GTF2I: variants seen among roughly 807,000 people sequenced by gnomAD.
GTF2I encodes general transcription factor II-I.
Under a neutral mutation model 67.6 loss-of-function variants are expected in GTF2I, and 12 were observed. That is an observed-to-expected ratio of 0.18 (90% CI 0.11 to 0.29). The LOEUF is 0.29. GTF2I is among the 10% of genes least tolerant of loss of function. The pLI, the probability that GTF2I is intolerant of heterozygous loss-of-function variation, is 1.00. For synonymous variants in GTF2I, 149 were observed against 197.0 expected (o/e 0.76, Z 2.04); for missense variants, 271 against 580.1 (o/e 0.47, Z 5.47).
intron 1 of GTF2I, among the ~76,000 whole-genome samples, chr7:74,683,391 A>C (rs1438524990): frequency 6.6e-6 from 1 of 152,222 alleles, no homozygotes; most frequent in Non-Finnish European, 1.5e-5. Context: ...TTGTCAACCT[A>C]GGTTTCTATT....
chr7:74,680,114 A>ATATATATATATATATATATG (rs1339021361), intron 1 of GTF2I, among the ~76,000 whole-genome samples: 12 of 121,468 alleles, frequency 9.9e-5, no homozygotes, highest in African/African-American at 3.3e-4. Flanking sequence ...ATATATATAT[A>ATATATATATATATATATATG]TATGTATGTA....
intron 6 of GTF2I, 87 bp from the exon 7 acceptor site, chr7:74,705,077 C>A: frequency 2.4e-6 from 2 of 817,148 alleles, no homozygotes; most frequent in Non-Finnish European, 4.2e-6. Context: ...CCTAGTTCTA[C>A]CCCACTAATT....
At chr7:74,687,044 C>T (rs1429412364) in intron 1 of GTF2I, among the ~76,000 whole-genome samples, 1 of 151,694 alleles carries the variant, frequency 6.6e-6, no homozygotes, top group African/African-American at 2.4e-5. Flanking sequence ...TGGTACACCA[C>T]CATGCCTGGC....
intron 1 of GTF2I, among the ~76,000 whole-genome samples, chr7:74,683,214 C>G (rs1787411339): frequency 6.6e-6 from 1 of 152,108 alleles, no homozygotes; most frequent in Non-Finnish European, 1.5e-5. Context: ...CACAGTGAAA[C>G]TGTAGAAAAC....
chr7:74,689,878 G>A (rs1346097297), intron 2 of GTF2I, among the ~76,000 whole-genome samples: 1 of 151,816 alleles, frequency 6.6e-6, no homozygotes, highest in Admixed American at 6.6e-5. Flanking sequence ...ACCACGCTCG[G>A]GTAATTTTTT....
At chr7:74,706,745 A>T (rs587644142) in intron 8 of GTF2I, among the ~76,000 whole-genome samples, 17 of 152,326 alleles carry the variant, frequency 1.1e-4, no homozygotes, top group African/African-American at 4.1e-4. Flanking sequence ...TACAAAAATC[A>T]ATAGAATGCC....
intron 1 of GTF2I, chr7:74,685,010 A>C (rs961093295): frequency 6.6e-6 from 1 of 152,192 alleles, no homozygotes; most frequent in Non-Finnish European, 1.5e-5. Flanking sequence ...TCTGGGGTTT[A>C]ATTTTCTAGA....
intron 14 of GTF2I, among the ~76,000 whole-genome samples, chr7:74,731,552 GTTT>G (rs797038025): frequency 2.2e-5 from 3 of 136,376 alleles, no homozygotes; most frequent in Admixed American, 7.4e-5. Flanking sequence ...TTTTGTTGTT[GTTT>G]TTTTTTTTTT....
chr7:74,732,748 T>G, intron 15 of GTF2I, 86 bp downstream of exon 15: 1 of 1,532,034 alleles, frequency 6.5e-7, no homozygotes, highest in South Asian at 1.3e-5. Context: ...CATTCACCAC[T>G]AGGTTCTATG....
chr7:74,702,954 C>G (rs1186316109), intron 6 of GTF2I, among the ~76,000 whole-genome samples: 1 of 152,022 alleles, frequency 6.6e-6, no homozygotes, highest in African/African-American at 2.4e-5. Context: ...CCAGGCTGGT[C>G]TGGAACTCCT....
At chr7:74,707,919 T>C (rs924643344) in intron 8 of GTF2I, among the ~76,000 whole-genome samples, 3 of 152,144 alleles carry the variant, frequency 2.0e-5, no homozygotes, top group Admixed American at 2.0e-4. Flanking sequence ...ATTCTTAATT[T>C]ATCCTGCAAA....
intron 1 of GTF2I, among the ~76,000 whole-genome samples, chr7:74,671,047 G>GTT (rs1480316917): frequency 6.7e-6 from 1 of 149,250 alleles, no homozygotes; most frequent in Non-Finnish European, 1.5e-5. Context: ...AGAACTCAGA[G>GTT]CTGAACTTGT....
chr7:74,676,772 T>G (rs782532007), intron 1 of GTF2I, among the ~76,000 whole-genome samples: 14 of 152,026 alleles, frequency 9.2e-5, no homozygotes, highest in Non-Finnish European at 2.1e-4. Flanking sequence ...TACCAACAAT[T>G]TGGCTGGGCA....
chr7:74,663,479 G>A (rs1160623130), intron 1 of GTF2I, among the ~76,000 whole-genome samples: 1 of 151,944 alleles, frequency 6.6e-6, no homozygotes, highest in Non-Finnish European at 1.5e-5. Context: ...ATAGAGATGG[G>A]GTTTCACCAT....
At chr7:74,684,832 G>A (rs587612362) in intron 1 of GTF2I, 11 of 152,250 alleles carry the variant, frequency 7.2e-5, no homozygotes, top group African/African-American at 2.2e-4. Flanking sequence ...TACACACATT[G>A]AGTGTGATTG....
Position 74,684,374 on chromosome 7 carries a change from T to TA in GTF2I, c.-5-4749dup, listed in dbSNP as rs1303168513. Among the ~76,000 whole-genome samples, 11 of 152,224 alleles carry TA rather than the reference T, an allele frequency of 7.2e-5. 1 individual carries two copies. The highest frequency in any genetic ancestry group is 1.5e-5 in the Non-Finnish European group (1 of 68,036). Reference sequence around the variant, plus strand: ...GCGAGATGGCTGTCTGCTGAACCCATACACCAGCTCTCTAGGCGTTTGGTC... The same window carrying TA: ...GCGAGATGGCTGTCTGCTGAACCCATAACACCAGCTCTCTAGGCGTTTGGTC... On this transcript the variant is annotated intron_variant, in intron 1 of 34. Coordinates refer to ENST00000573035, the MANE Select transcript of GTF2I (RefSeq NM_032999.4).
At chr7:74,667,740 A>G (rs1289876113) in intron 1 of GTF2I, among the ~76,000 whole-genome samples, 1 of 149,624 alleles carries the variant, frequency 6.7e-6, no homozygotes, top group Non-Finnish European at 1.5e-5. Context: ...CTGGTCTCCA[A>G]CTCCTGAGCT....
intron 9 of GTF2I, among the ~76,000 whole-genome samples, chr7:74,712,086 A>G (rs1791622082): frequency 6.6e-6 from 1 of 151,252 alleles, no homozygotes; most frequent in Non-Finnish European, 1.5e-5. Context: ...AATAGCTGGG[A>G]TAGCAGGTGT....
chr7:74,753,889 GA>G lies in GTF2I; in HGVS notation c.2689del (p.Ile897SerfsTer9). On this transcript the variant is annotated frameshift_variant, in exon 30 of 35. Coordinates refer to ENST00000573035, the MANE Select transcript of GTF2I (RefSeq NM_032999.4). LOFTEE classifies it high-confidence loss of function. ...MGFPVKVPYR[K>X]ITINPGCVVV... The stretch of plus-strand genomic sequence containing the variant: ...GTTTTCCTGTGAAAGTTCCCTACAG[GA>G]AAATCACAATTAACCCTGGCTGTGT... The G allele has an allele frequency of 3.3e-6, 1 of 305,908 alleles. No homozygotes were observed. Among genetic ancestry groups the G allele is most frequent in the Non-Finnish European group, 4.4e-6 (1 of 227,328 alleles). 18.9% of individuals were successfully genotyped at this position (305,908 alleles called of 1,614,324 possible).
Sources: gnomAD v4.1 joint callset for allele counts (sites outside exome capture counted in the v4.1 genomes callset) on GRCh38, gnomAD v4.1.1 for gene constraint, MANE v1.5 for transcripts, NCBI Gene and HGNC (gene_info 2026-07-23, HGNC 2026-07-21) for gene names.